The following CAMTA1 variants were observed in gnomAD, a reference collection of about 807,000 sequenced individuals.
The protein encoded by CAMTA1 is calmodulin binding transcription activator 1.
CAMTA1 carries 27 observed loss-of-function variants against 170.9 expected under a neutral mutation model. The ratio of observed to expected loss-of-function variants is 0.16; its 90% CI spans 0.12 to 0.22. The LOEUF (loss-of-function observed/expected upper bound fraction) is 0.22, where lower values mean the gene tolerates loss of function less well. CAMTA1 is among the 10% of genes least tolerant of loss of function. CAMTA1 has a pLI of 1.00. For synonymous variants in CAMTA1, 833 were observed against 891.5 expected, an observed-to-expected ratio of 0.93 and a Z score of 1.17; for missense variants, 1,619 against 2,217.2, an observed-to-expected ratio of 0.73 and a Z score of 5.42.
chr1:7,055,921 C>A (rs1396899533), intron 3 of CAMTA1, among the ~76,000 whole-genome samples: 2 of 152,176 alleles, frequency 1.3e-5, no homozygotes, highest in African/African-American at 4.8e-5. Flanking sequence ...AGTCCCCTGC[C>A]CCTTCCTCTG....
intron 5 of CAMTA1, among the ~76,000 whole-genome samples, chr1:7,424,246 A>G (rs2091751062): frequency 6.6e-6 from 1 of 152,158 alleles, no homozygotes; most frequent in Non-Finnish European, 1.5e-5. Context: ...TTTTGCAGTC[A>G]TTTATCACAT....
At chr1:7,440,306 C>A (rs1202859469) in intron 5 of CAMTA1, among the ~76,000 whole-genome samples, 1 of 152,270 alleles carries the variant, frequency 6.6e-6, no homozygotes, top group African/African-American at 2.4e-5. Flanking sequence ...CGACCTCTTC[C>A]CTCTCCATCC....
chr1:7,468,617 C>CGTCT, intron 6 of CAMTA1, among the ~76,000 whole-genome samples: 1 of 152,346 alleles, frequency 6.6e-6, no homozygotes, highest in Non-Finnish European at 1.5e-5. Context: ...TCGGACTAGA[C>CGTCT]ATAGGTCCTT....
In CAMTA1 at chr1:7,673,597, T is replaced by C. The variant is rs1457786613; in HGVS notation, c.2779+2560T>C. 6.6e-6 allele frequency among the ~76,000 whole-genome samples: 1 copy of C among 152,110 alleles called. No homozygotes were observed. Among genetic ancestry groups the C allele is most frequent in the Non-Finnish European group, 1.5e-5 (1 of 68,038 alleles). ...CACCCTCCTAGCTGTTCAGGCTCAT[T>C]ATATGAGCCATAATGTGTCTCGGAC... is the stretch of plus-strand genomic sequence containing the variant. On this transcript the variant is annotated intron_variant, in intron 10 of 22. Transcript: ENST00000303635. This position sits in a 1 kb window ranked among gnomAD's most constrained non-coding sequence, Gnocchi z 4.6.
chr1:6,897,716 T>C (rs1196292881), intron 3 of CAMTA1, among the ~76,000 whole-genome samples: 2 of 152,212 alleles, frequency 1.3e-5, no homozygotes, highest in African/African-American at 2.4e-5. Context: ...GATTATTTGT[T>C]TGAAAATGAA....
At chr1:6,899,216 G>A (rs1676327843) in intron 3 of CAMTA1, among the ~76,000 whole-genome samples, 1 of 152,180 alleles carries the variant, frequency 6.6e-6, no homozygotes, top group African/African-American at 2.4e-5. Context: ...TGTGTGCTAG[G>A]TTATAGTGTT....
intron 5 of CAMTA1, among the ~76,000 whole-genome samples, chr1:7,270,240 TAC>T (rs1558335850): frequency 1.3e-5 from 1 of 74,310 alleles, no homozygotes; most frequent in South Asian, 3.3e-4. Context: ...TACACATATA[TAC>T]ATACACACAC....
chr1:6,882,748 C>T (rs1007282839), intron 3 of CAMTA1, among the ~76,000 whole-genome samples: 4 of 151,914 alleles, frequency 2.6e-5, no homozygotes, highest in African/African-American at 9.7e-5. Flanking sequence ...GTTCTAAAAG[C>T]CGTAGGACTG....
rs2150393539 is a variant in CAMTA1, at chr1:7,580,715, G to T, written c.511-59685G>T. 6.6e-6 allele frequency among the ~76,000 whole-genome samples: 1 copy of T among 152,274 alleles called. No homozygotes were observed. The highest frequency in any genetic ancestry group is 1.9e-4 in the East Asian group (1 of 5,156). On this transcript the variant is annotated intron_variant, in intron 6 of 22. Transcript: ENST00000303635. The surrounding 1 kb of genome is among the most constrained non-coding windows in gnomAD (Gnocchi z 4.3). ...ACTGTGCAAAATCCCTCCTGTGCTG[G>T]TCTTCCTGGATGGGCTGCCGGTCGG...
intron 3 of CAMTA1, among the ~76,000 whole-genome samples, chr1:6,959,232 A>G (rs535190542): frequency 6.6e-6 from 1 of 152,304 alleles, no homozygotes; most frequent in East Asian, 1.9e-4. Flanking sequence ...TCTGGGAGAA[A>G]AGGGTGGCCA....
chr1:6,804,931 A>C (rs1644345476), intron 1 of CAMTA1, among the ~76,000 whole-genome samples: 1 of 152,190 alleles, frequency 6.6e-6, no homozygotes, highest in Non-Finnish European at 1.5e-5. Context: ...TTCACCAGTT[A>C]ATAGACATTT....
chr1:7,350,939 C>T (rs1270860785), intron 5 of CAMTA1, among the ~76,000 whole-genome samples: 4 of 152,220 alleles, frequency 2.6e-5, no homozygotes, highest in Non-Finnish European at 2.9e-5. Flanking sequence ...GTTCCTTACA[C>T]GTGGCCCAAG....
intron 5 of CAMTA1, among the ~76,000 whole-genome samples, chr1:7,467,589 C>T (rs371087017): frequency 9.2e-5 from 14 of 152,292 alleles, no homozygotes; most frequent in South Asian, 2.1e-4. Context: ...CTATGGCTCC[C>T]GGAGGGTAAG....
intron 4 of CAMTA1, among the ~76,000 whole-genome samples, chr1:7,143,105 G>A (rs1645981990): frequency 6.6e-6 from 1 of 152,172 alleles, no homozygotes; most frequent in African/African-American, 2.4e-5. Flanking sequence ...ATGAGGAGAA[G>A]GAACAGGTAG....
rs1287258779 is a variant in CAMTA1, at chr1:6,820,218, A to G, written c.83A>G (p.Tyr28Cys). 3.1e-6 allele frequency: 5 copies of G among 1,613,102 alleles called. No individual in the cohort carries two copies. In the East Asian group the frequency reaches 8.9e-5, roughly 29 times the overall value. Residue 28 changes from tyrosine to cysteine, a missense_variant, in exon 2 of 23, where the codon TAC becomes TGC. Physicochemically the swap from Tyr to Cys is radical, Grantham distance 194 (BLOSUM62 -2). Coordinates refer to ENST00000303635, the MANE Select transcript of CAMTA1 (RefSeq NM_015215.4). ...SQSVFCGTST[Y>C]CVLNTVPPIE... ...AGTGTATTCTGCGGAACTAGCACCT[A>G]CTGTGTTCTCAACACCGTGCCACCT...
At chr1:7,257,480 C>A (rs1037713007) in intron 5 of CAMTA1, among the ~76,000 whole-genome samples, 1 of 152,166 alleles carries the variant, frequency 6.6e-6, no homozygotes, top group East Asian at 1.9e-4. Context: ...TTAGGAATAA[C>A]AAGTTGTTTA....
chr1:7,314,772 T>C (rs1677234239), intron 5 of CAMTA1, among the ~76,000 whole-genome samples: 1 of 152,188 alleles, frequency 6.6e-6, no homozygotes, highest in African/African-American at 2.4e-5. Context: ...GTTCCCCCTC[T>C]GGAACATAAA....
chr1:7,016,206 G>A (rs1005201150), intron 3 of CAMTA1, among the ~76,000 whole-genome samples: 1 of 152,132 alleles, frequency 6.6e-6, no homozygotes, highest in Non-Finnish European at 1.5e-5. Context: ...CCCTCAGCCT[G>A]ACACCCGTGA....
chr1:7,292,388 C>G (rs1172981656), intron 5 of CAMTA1, among the ~76,000 whole-genome samples: 2 of 152,160 alleles, frequency 1.3e-5, no homozygotes, highest in Non-Finnish European at 2.9e-5. Context: ...ATTTCAGCTT[C>G]GGTGAATATG....
Sources: allele counts gnomAD v4.1 joint callset (sites outside exome capture counted in the v4.1 genomes callset), GRCh38; gene constraint gnomAD v4.1.1; non-coding constraint Gnocchi (gnomAD v3.1); transcripts MANE v1.5; gene names NCBI Gene and HGNC (gene_info 2026-07-23, HGNC 2026-07-21).